Variants in MAF observed in about 807,000 individuals in gnomAD.
The protein encoded by MAF is MAF bZIP transcription factor.
MAF carries 10 observed loss-of-function variants against 22.0 expected under a neutral mutation model. The observed-to-expected ratio is 0.45, with a 90% CI of 0.28 to 0.77. The LOEUF is 0.77. Ranked by LOEUF, MAF falls within the 30% of genes least tolerant of loss-of-function variation. MAF has a pLI of 0.12. For missense variants in MAF, 544 were observed against 548.4 expected (o/e 0.99, Z 0.08); for synonymous variants, 337 against 255.8 (o/e 1.32, Z -3.03).
chr16:79,550,753 G>C, the MAF span, among the ~76,000 whole-genome samples: 5 of 150,632 alleles, frequency 3.3e-5, no homozygotes, highest in Non-Finnish European at 5.9e-5. Flanking sequence ...TCTGTGGCTA[G>C]AGGAAGAGTC....
At chr16:79,251,612 T>A in the MAF span, among the ~76,000 whole-genome samples, 1 of 152,142 alleles carries the variant, frequency 6.6e-6, no homozygotes, top group Non-Finnish European at 1.5e-5. Context: ...CAGGCCTAAG[T>A]CTTCATCTTT....
At chr16:79,254,045 A>C in the MAF span, among the ~76,000 whole-genome samples, 1 of 151,762 alleles carries the variant, frequency 6.6e-6, no homozygotes, top group African/African-American at 2.4e-5. Flanking sequence ...TTTTTATAAA[A>C]AACTCTTTAT....
chr16:79,576,644 G>A, the MAF span, among the ~76,000 whole-genome samples: 40 of 152,022 alleles, frequency 2.6e-4, no homozygotes, highest in African/African-American at 8.7e-4. Context: ...GGAGGGAAAC[G>A]TCCAATATCA....
At chr16:79,210,417 G>A in the MAF span, among the ~76,000 whole-genome samples, 2 of 152,164 alleles carry the variant, frequency 1.3e-5, no homozygotes, top group African/African-American at 4.8e-5. Context: ...CACCCTGCAT[G>A]GTCACAATGT....
the MAF span, among the ~76,000 whole-genome samples, chr16:79,263,684 G>C: frequency 6.6e-6 from 1 of 152,116 alleles, no homozygotes; most frequent in African/African-American, 2.4e-5. Context: ...TGCATGTGGA[G>C]TGGGGGAGGA....
the MAF span, among the ~76,000 whole-genome samples, chr16:79,543,247 T>C: frequency 1.8e-3 from 274 of 152,316 alleles, no homozygotes; most frequent in Non-Finnish European, 3.1e-3. Context: ...TCCATATGAT[T>C]CCCCAGTATC....
the MAF span, among the ~76,000 whole-genome samples, chr16:79,393,521 C>G: frequency 2.6e-5 from 4 of 152,210 alleles, no homozygotes; most frequent in Non-Finnish European, 4.4e-5. Context: ...TCCTTTCATT[C>G]CATGATACAA....
At chr16:79,216,091 C>T in the MAF span, among the ~76,000 whole-genome samples, 2 of 152,164 alleles carry the variant, frequency 1.3e-5, no homozygotes, top group Non-Finnish European at 2.9e-5. Context: ...ATTCTATGGC[C>T]AACCCTATTT....
chr16:79,325,191 G>A, the MAF span, among the ~76,000 whole-genome samples: 76 of 152,202 alleles, frequency 5.0e-4, no homozygotes, highest in African/African-American at 1.7e-3. Context: ...TTCTTGGGGT[G>A]GGGGAACACC....
the MAF span, chr16:79,212,700 T>G: frequency 6.7e-6 from 1 of 148,624 alleles, no homozygotes; most frequent in Non-Finnish European, 1.5e-5. Context: ...CTTTAAATGT[T>G]TGTTTCAGTT....
chr16:79,496,562 C>T, the MAF span, among the ~76,000 whole-genome samples: 2 of 152,144 alleles, frequency 1.3e-5, no homozygotes, highest in African/African-American at 4.8e-5. Flanking sequence ...AGTTTCTTGC[C>T]GTGGTATTAT....
chr16:79,441,831 C>A, the MAF span, among the ~76,000 whole-genome samples: 2 of 152,316 alleles, frequency 1.3e-5, no homozygotes, highest in East Asian at 3.9e-4. Context: ...AGAGCCTTCA[C>A]ATGTGTAATT....
chr16:79,232,030 T>C, the MAF span, among the ~76,000 whole-genome samples: 4 of 151,964 alleles, frequency 2.6e-5, no homozygotes, highest in African/African-American at 7.2e-5. Flanking sequence ...GACAATCTAA[T>C]GCCACCGCTG....
the MAF span, among the ~76,000 whole-genome samples, chr16:79,519,081 A>G: frequency 2.6e-5 from 4 of 152,198 alleles, no homozygotes; most frequent in African/African-American, 4.8e-5. Context: ...CCTTGCAATT[A>G]TATTTCACTT....
chr16:79,442,974 G>A, the MAF span, among the ~76,000 whole-genome samples: 2,357 of 152,290 alleles, frequency 0.015, 59 homozygotes, highest in African/African-American at 0.053. Context: ...GTGGATGAAA[G>A]GTTAGTGTGT....
chr16:79,339,438 G>A, the MAF span, among the ~76,000 whole-genome samples: 1 of 152,082 alleles, frequency 6.6e-6, no homozygotes, highest in Non-Finnish European at 1.5e-5. Flanking sequence ...TGCCATTGAG[G>A]CCCCAGAGGA....
At chr16:79,287,505 T>G in the MAF span, among the ~76,000 whole-genome samples, 2 of 152,178 alleles carry the variant, frequency 1.3e-5, no homozygotes, top group African/African-American at 4.8e-5. Context: ...GCCAAGTGTT[T>G]TCCCCCAAAC....
At chr16:79,241,483 AG>A in the MAF span, among the ~76,000 whole-genome samples, 2 of 152,112 alleles carry the variant, frequency 1.3e-5, no homozygotes, top group East Asian at 3.8e-4. Context: ...TGAGAAGACA[AG>A]ATTAGAGAAA....
chr16:79,333,592 T>A, the MAF span, among the ~76,000 whole-genome samples: 2 of 152,238 alleles, frequency 1.3e-5, no homozygotes, highest in Non-Finnish European at 2.9e-5. Flanking sequence ...TATTAAAATT[T>A]GATACTGAGT....
Sources: gnomAD v4.1 joint callset for allele counts (sites outside exome capture counted in the v4.1 genomes callset) on GRCh38, gnomAD v4.1.1 for gene constraint, MANE v1.5 for transcripts, NCBI Gene and HGNC (gene_info 2026-07-23, HGNC 2026-07-21) for gene names.